The following TMEM267 variants were observed in gnomAD, a reference collection of about 807,000 sequenced individuals.
TMEM267 encodes the protein transmembrane protein C5orf28.
TMEM267 carries 20 observed loss-of-function variants against 19.3 expected under a neutral mutation model. The observed-to-expected ratio is 1.04, with a 90% CI of 0.73 to 1.51. TMEM267 has a LOEUF of 1.51. Ranked by LOEUF, TMEM267 falls within the 40% of genes most tolerant of loss-of-function variation. The pLI is 0.00. For synonymous variants in TMEM267, 88 were observed against 90.3 expected (o/e 0.97, Z 0.15); for missense variants, 242 against 261.9 (o/e 0.92, Z 0.52).
chr5:43,477,537 T>C (rs1178254112), intron 1 of TMEM267, among the ~76,000 whole-genome samples: 1 of 139,254 alleles, frequency 7.2e-6, no homozygotes, highest in Non-Finnish European at 1.5e-5. Context: ...GAGGTTGCAG[T>C]GAGCAGAATG....
rs375224453 is a variant in TMEM267, at chr5:43,452,077, C to CAA, written c.312+1579_312+1580dup. On this transcript the variant is annotated intron_variant, in intron 2 of 2. Coordinates refer to ENST00000397080, the MANE Select transcript of TMEM267 (RefSeq NM_022483.5). ...TGGGCATCACAGCAAGACCCTATCT[C>CAA]AAAAAAAAAAAAAAAAAAGAAAGAA... is the stretch of plus-strand genomic sequence containing the variant. 4.0e-3 allele frequency among the ~76,000 whole-genome samples: 349 copies of CAA among 86,262 alleles called. 2 individuals are homozygous for CAA. Among genetic ancestry groups the CAA allele is most frequent in the African/African-American group, 6.9e-3 (157 of 22,750 alleles). The allele number at this position is 86,262 out of a possible 152,430, so 56.6% of individuals were successfully genotyped here. A position where few individuals can be genotyped will look rare whatever the true frequency, so the allele number is the denominator to read the frequency against.
rs907208024 is a variant in TMEM267 at position 43,464,937 on chromosome 5, A to G, written c.-74-10894T>C. On this transcript the variant is annotated intron_variant, in intron 1 of 2. Transcript: ENST00000397080. Reference sequence around the variant, plus strand: ...TAAGACACCAAAAGCAATGGCAACCAAAGCCAAAATTGACAAATGGGATCT... The same window carrying G: ...TAAGACACCAAAAGCAATGGCAACCGAAGCCAAAATTGACAAATGGGATCT... Among the ~76,000 whole-genome samples the G allele has an allele frequency of 1.1e-4, 16 of 152,368 alleles. No individual in the cohort carries two copies. In the Middle Eastern group the frequency reaches 0.024, roughly 227 times the overall value.
chr5:43,469,229 T>A (rs888355445), intron 1 of TMEM267, among the ~76,000 whole-genome samples: 1 of 151,742 alleles, frequency 6.6e-6, no homozygotes, highest in African/African-American at 2.4e-5. Context: ...AAGAAATAAA[T>A]GAAATTGAAA....
chr5:43,447,369 C>T (rs181709261), intron 2 of TMEM267, among the ~76,000 whole-genome samples: 95 of 152,170 alleles, frequency 6.2e-4, no homozygotes, highest in African/African-American at 2.0e-3. Flanking sequence ...GGATTACAGA[C>T]GTGAGCCATG....
At chr5:43,475,788 T>C (rs1198025901) in intron 1 of TMEM267, among the ~76,000 whole-genome samples, 2 of 152,082 alleles carry the variant, frequency 1.3e-5, no homozygotes, top group Non-Finnish European at 2.9e-5. Context: ...ATAATAGCAA[T>C]AATCATAAGA....
intron 1 of TMEM267, among the ~76,000 whole-genome samples, chr5:43,478,652 C>A (rs1404186591): frequency 6.6e-6 from 1 of 151,918 alleles, no homozygotes; most frequent in Non-Finnish European, 1.5e-5. Context: ...GATTAGTAGC[C>A]CTAATGTATT....
chr5:43,472,037 C>T (rs1428575006), intron 1 of TMEM267, among the ~76,000 whole-genome samples: 1 of 151,908 alleles, frequency 6.6e-6, no homozygotes, highest in Non-Finnish European at 1.5e-5. Context: ...TTGCAAATTA[C>T]CCATCTGACA....
intron 1 of TMEM267, among the ~76,000 whole-genome samples, chr5:43,456,318 T>A (rs1043796452): frequency 1.3e-5 from 2 of 151,988 alleles, no homozygotes; most frequent in African/African-American, 4.8e-5. Flanking sequence ...AAATAAAACA[T>A]AAAAAGATAA....
chr5:43,476,507 CCTTTTT>C (rs1744430701), intron 1 of TMEM267, among the ~76,000 whole-genome samples: 1 of 92,286 alleles, frequency 1.1e-5, no homozygotes, highest in African/African-American at 5.0e-5. Context: ...AAAAGCCAGA[CCTTTTT>C]TTTTTTTTTT....
chr5:43,477,020 T>C (rs563445757), intron 1 of TMEM267, among the ~76,000 whole-genome samples: 15 of 139,440 alleles, frequency 1.1e-4, no homozygotes, highest in Middle Eastern at 3.9e-3. Flanking sequence ...AGACTGTCTG[T>C]ACTAGAAAAA....
intron 1 of TMEM267, among the ~76,000 whole-genome samples, chr5:43,470,154 G>A (rs1395670212): frequency 6.6e-6 from 1 of 151,912 alleles, no homozygotes; most frequent in Non-Finnish European, 1.5e-5. Context: ...GTTTTGTTTT[G>A]TTTTCAGATG....
chr5:43,476,427 A>ACCTC (rs1199311519), intron 1 of TMEM267, among the ~76,000 whole-genome samples: 2 of 140,372 alleles, frequency 1.4e-5, no homozygotes, highest in East Asian at 4.4e-4. Context: ...CCGCTCTGCC[A>ACCTC]CCTCCCACAA....
intron 1 of TMEM267, among the ~76,000 whole-genome samples, chr5:43,469,168 A>G (rs1743921346): frequency 6.6e-6 from 1 of 152,208 alleles, no homozygotes; most frequent in African/African-American, 2.4e-5. Context: ...GAAAAGCAAG[A>G]GCAAAGCAAG....
intron 1 of TMEM267, among the ~76,000 whole-genome samples, chr5:43,477,381 G>C (rs919727718): frequency 1.3e-5 from 2 of 152,140 alleles, no homozygotes; most frequent in African/African-American, 4.8e-5. Flanking sequence ...GAGGTCAGGA[G>C]TTCAAGACCA....
chr5:43,458,431 G>C (rs1579798559), intron 1 of TMEM267, among the ~76,000 whole-genome samples: 2 of 152,276 alleles, frequency 1.3e-5, no homozygotes, highest in Admixed American at 1.3e-4. Flanking sequence ...AGAGTGCATA[G>C]TATAATTCTA....
At chr5:43,472,331 C>T (rs898969091) in intron 1 of TMEM267, among the ~76,000 whole-genome samples, 1 of 152,050 alleles carries the variant, frequency 6.6e-6, no homozygotes, top group African/African-American at 2.4e-5. Context: ...AAACCTTGTA[C>T]TCTCTTGGTG....
intron 2 of TMEM267, 54 bp from the exon 3 acceptor site, chr5:43,446,611 T>C: frequency 9.3e-7 from 1 of 1,069,540 alleles, no homozygotes; most frequent in East Asian, 2.5e-5. Context: ...AAACAAAATT[T>C]TATACATGCT....
chr5:43,461,416 A>G (rs1209196186), intron 1 of TMEM267, among the ~76,000 whole-genome samples: 1 of 152,076 alleles, frequency 6.6e-6, no homozygotes, highest in Non-Finnish European at 1.5e-5. Context: ...AGAGAAAACT[A>G]AAGGGGACTT....
intron 1 of TMEM267, among the ~76,000 whole-genome samples, chr5:43,480,797 C>CCTT (rs1744710918): frequency 2.5e-5 from 2 of 79,582 alleles, no homozygotes; most frequent in Non-Finnish European, 4.5e-5. Flanking sequence ...AATAATCTTA[C>CCTT]TTTTTTTTTT....
Sources: allele counts gnomAD v4.1 joint callset (sites outside exome capture counted in the v4.1 genomes callset), GRCh38; gene constraint gnomAD v4.1.1; transcripts MANE v1.5; gene names NCBI Gene and HGNC (gene_info 2026-07-23, HGNC 2026-07-21).